Variants in STK38 observed in about 807,000 individuals in gnomAD.
STK38 encodes serine/threonine-protein kinase 38.
STK38 carries 26 observed loss-of-function variants against 59.0 expected under a neutral mutation model. The ratio of observed to expected loss-of-function variants is 0.44; its 90% CI spans 0.32 to 0.61. STK38 has a LOEUF of 0.61. STK38 is among the 20% of genes least tolerant of loss of function. The pLI, the probability that STK38 is intolerant of heterozygous loss-of-function variation, is 0.04. For missense variants in STK38, 433 were observed against 566.0 expected (o/e 0.76, Z 2.38); for synonymous variants, 175 against 176.6 (o/e 0.99, Z 0.07).
chr6:36,502,806 CATCT>C (rs1561973594), intron 9 of STK38, among the ~76,000 whole-genome samples: 1 of 152,150 alleles, frequency 6.6e-6, no homozygotes, highest in African/African-American at 2.4e-5. Context: ...AGAATTTTGC[CATCT>C]ATCTCTCTAA....
intron 9 of STK38, among the ~76,000 whole-genome samples, chr6:36,505,011 C>G (rs2267930): frequency 0.058 from 8,841 of 151,970 alleles, 589 homozygotes; most frequent in Admixed American, 0.17. Flanking sequence ...ATATTAGTTT[C>G]CCAACAACGC....
At chr6:36,539,385 C>CAAA (rs11296767) in intron 2 of STK38, among the ~76,000 whole-genome samples, 1 of 109,068 alleles carries the variant, frequency 9.2e-6, no homozygotes. Context: ...GATTCGATCT[C>CAAA]AAAAAAAAAA....
At chr6:36,509,419 G>A (rs890942511) in intron 7 of STK38, among the ~76,000 whole-genome samples, 2 of 152,164 alleles carry the variant, frequency 1.3e-5, no homozygotes, top group African/African-American at 2.4e-5. Context: ...TTCTTAGAAG[G>A]CTGGGAAGTT....
chr6:36,503,566 T>G (rs947897278), intron 9 of STK38, among the ~76,000 whole-genome samples: 3 of 152,136 alleles, frequency 2.0e-5, no homozygotes, highest in African/African-American at 7.2e-5. Flanking sequence ...GAATTTTCAT[T>G]CTAATCATAA....
intron 8 of STK38, 39 bp downstream of exon 8, chr6:36,507,461 A>G: frequency 1.3e-6 from 2 of 1,554,992 alleles, no homozygotes; most frequent in Non-Finnish European, 1.8e-6. Flanking sequence ...TTCTAGGCCC[A>G]GTTAGAACGA....
At chr6:36,507,654 C>G in intron 7 of STK38, 52 bp from the exon 8 acceptor site, 4 of 1,370,014 alleles carry the variant, frequency 2.9e-6, no homozygotes, top group Non-Finnish European at 4.2e-6. Flanking sequence ...GGAGGTAGAA[C>G]AGAACATTAC....
chr6:36,498,589 CTTT>C (rs374274208), intron 10 of STK38, 103 bp from the exon 11 acceptor site: 7,975 of 919,424 alleles, frequency 8.7e-3, no homozygotes, highest in East Asian at 0.014. Context: ...TTTCTTTTTT[CTTT>C]TTTTTTTTTT....
chr6:36,529,138 A>G (rs1218952269), intron 2 of STK38, among the ~76,000 whole-genome samples: 1 of 152,212 alleles, frequency 6.6e-6, no homozygotes, highest in African/African-American at 2.4e-5. Flanking sequence ...ATGACATCAA[A>G]GGAATTACTG....
At chr6:36,509,324 T>G (rs988991656) in intron 7 of STK38, among the ~76,000 whole-genome samples, 13 of 151,836 alleles carry the variant, frequency 8.6e-5, no homozygotes, top group African/African-American at 2.9e-4. Context: ...AGACCCAGAG[T>G]GGGTACCTCC....
chr6:36,519,391 T>C (rs556644229), intron 5 of STK38, among the ~76,000 whole-genome samples: 1 of 152,182 alleles, frequency 6.6e-6, no homozygotes, highest in Non-Finnish European at 1.5e-5. Flanking sequence ...AAGACATTAA[T>C]ACAGTAGAAG....
chr6:36,538,287 G>C (rs906203143), intron 2 of STK38, among the ~76,000 whole-genome samples: 10 of 151,206 alleles, frequency 6.6e-5, no homozygotes, highest in Non-Finnish European at 1.3e-4. Context: ...CTGGGCAACA[G>C]AGTGAGACTC....
At chr6:36,542,376 G>T (rs1777958944) in intron 1 of STK38, among the ~76,000 whole-genome samples, 1 of 152,160 alleles carries the variant, frequency 6.6e-6, no homozygotes, top group South Asian at 2.1e-4. Context: ...GATTCTAGTG[G>T]TAGAAGCAGC....
rs190825217 is a variant in STK38, at chr6:36,519,445, C to A, written c.391-1605G>T. Among the ~76,000 whole-genome samples, 645 of 152,242 alleles carry A rather than the reference C, an allele frequency of 4.2e-3. 5 individuals carry two copies. Among genetic ancestry groups the A allele is most frequent in the Admixed American group, 6.0e-3 (91 of 15,292 alleles). ...TCTCCCCTGGCTCCCATTAAGCTCC[C>A]TACCTACTGCAGGGAGCCAGAGAAA... On this transcript the variant is annotated intron_variant, in intron 5 of 13. Coordinates refer to ENST00000229812, the MANE Select transcript of STK38 (RefSeq NM_007271.4).
intron 9 of STK38, 117 bp from the exon 10 acceptor site, chr6:36,500,107 G>GATACAATTTGATGCTCAAAATGGCTTT: frequency 5.3e-6 from 4 of 751,296 alleles, no homozygotes; most frequent in Non-Finnish European, 9.4e-6. Flanking sequence ...TAAATAAGCA[G>GATACAATTTGATGCTCAAAATGGCTTT]GACTGCCCAG....
intron 2 of STK38, among the ~76,000 whole-genome samples, chr6:36,528,027 T>G (rs1232453247): frequency 1.3e-5 from 2 of 151,202 alleles, no homozygotes. Flanking sequence ...GAGAATGTTG[T>G]GAACCCAGGA....
intron 2 of STK38, among the ~76,000 whole-genome samples, chr6:36,532,760 A>G (rs900119798): frequency 6.6e-6 from 1 of 152,128 alleles, no homozygotes; most frequent in African/African-American, 2.4e-5. Context: ...TTAGCCAGGC[A>G]TGGTAGTCCA....
intron 2 of STK38, among the ~76,000 whole-genome samples, chr6:36,527,366 T>TAA (rs556606742): frequency 1.1e-4 from 16 of 145,678 alleles, no homozygotes; most frequent in African/African-American, 4.1e-4. Context: ...TATATATTAG[T>TAA]ACACACACAC....
intron 9 of STK38, among the ~76,000 whole-genome samples, chr6:36,505,556 T>G (rs1776943970): frequency 6.6e-6 from 1 of 152,184 alleles, no homozygotes; most frequent in African/African-American, 2.4e-5. Flanking sequence ...ACTAAGAGTG[T>G]TATTAAAGGT....
At chr6:36,516,797 C>T (rs1039746815) in intron 6 of STK38, among the ~76,000 whole-genome samples, 3 of 152,140 alleles carry the variant, frequency 2.0e-5, no homozygotes, top group African/African-American at 7.2e-5. Flanking sequence ...GCTCTGCAGG[C>T]CAGCTCCACC....
Sources: gnomAD v4.1 joint callset for allele counts (sites outside exome capture counted in the v4.1 genomes callset) on GRCh38, gnomAD v4.1.1 for gene constraint, MANE v1.5 for transcripts, NCBI Gene and HGNC (gene_info 2026-07-23, HGNC 2026-07-21) for gene names.